Variants in RGSL1 observed in about 807,000 individuals in gnomAD.
The protein encoded by RGSL1 is regulator of G protein signaling protein-like.
In RGSL1, 97 loss-of-function variants were observed where a neutral mutation model predicts 124.7. That is an observed-to-expected ratio of 0.78 (90% CI 0.66 to 0.92). RGSL1 has a LOEUF of 0.92. RGSL1 is among the 40% of genes least tolerant of loss of function. The pLI, the probability that RGSL1 is intolerant of heterozygous loss-of-function variation, is 0.00. For synonymous variants in RGSL1, 424 were observed against 438.1 expected, an observed-to-expected ratio of 0.97 and a Z score of 0.40; for missense variants, 1,233 against 1,288.4, an observed-to-expected ratio of 0.96 and a Z score of 0.66.
intron 4 of RGSL1, among the ~76,000 whole-genome samples, chr1:182,470,005 A>AG: frequency 6.6e-6 from 1 of 152,032 alleles, no homozygotes; most frequent in African/African-American, 2.4e-5. Flanking sequence ...AGCTGGGAGG[A>AG]GGGGGGAAAT....
intron 6 of RGSL1, among the ~76,000 whole-genome samples, chr1:182,477,995 A>G (rs1654425548): frequency 6.6e-6 from 1 of 152,238 alleles, no homozygotes; most frequent in Non-Finnish European, 1.5e-5. Context: ...ATGGAGATCC[A>G]TAAACTGCTT....
intron 4 of RGSL1, chr1:182,471,388 T>A (rs1321762758): frequency 2.2e-6 from 1 of 457,216 alleles, no homozygotes; most frequent in East Asian, 7.0e-5. Flanking sequence ...GCAGTGCAGG[T>A]GGGTTCTTGG....
At chr1:182,521,502 G>C (rs776878146) in intron 9 of RGSL1, among the ~76,000 whole-genome samples, 1 of 152,146 alleles carries the variant, frequency 6.6e-6, no homozygotes, top group Non-Finnish European at 1.5e-5. Flanking sequence ...CAGTGTCCGT[G>C]GGAAAGAAAA....
chr1:182,551,604 T>A (rs1660569544), intron 18 of RGSL1, among the ~76,000 whole-genome samples: 1 of 152,216 alleles, frequency 6.6e-6, no homozygotes, highest in Non-Finnish European at 1.5e-5. Context: ...ATATATATAG[T>A]TTTAATGTGA....
At chr1:182,465,084 T>C (rs1653178805) in intron 4 of RGSL1, among the ~76,000 whole-genome samples, 2 of 151,748 alleles carry the variant, frequency 1.3e-5, no homozygotes, top group African/African-American at 4.9e-5. Context: ...CTTATAATAA[T>C]AATAATAATA....
intron 9 of RGSL1, among the ~76,000 whole-genome samples, chr1:182,517,941 G>A (rs1045244716): frequency 6.6e-6 from 1 of 152,054 alleles, no homozygotes; most frequent in Non-Finnish European, 1.5e-5. Context: ...TGTTTCTTGT[G>A]GGTCTACGTA....
chr1:182,514,850 G>A (rs1657739652), intron 9 of RGSL1, among the ~76,000 whole-genome samples: 1 of 152,182 alleles, frequency 6.6e-6, no homozygotes, highest in Admixed American at 6.5e-5. Flanking sequence ...TTGTGCAGAG[G>A]GATATGAGGC....
intron 13 of RGSL1, among the ~76,000 whole-genome samples, chr1:182,532,171 A>G (rs1024327940): frequency 2.6e-5 from 4 of 152,030 alleles, no homozygotes; most frequent in Non-Finnish European, 5.9e-5. Flanking sequence ...GAGGAAACTT[A>G]TGAAATTCGT....
intron 2 of RGSL1, 94 bp from the exon 3 acceptor site, chr1:182,458,225 G>A (rs1355225240): frequency 5.3e-5 from 46 of 860,638 alleles, no homozygotes; most frequent in Non-Finnish European, 5.3e-5. Context: ...AAAGAGCCAT[G>A]GAACCTCCCT....
chr1:182,534,442 T>C (rs988491798), intron 14 of RGSL1, among the ~76,000 whole-genome samples: 19 of 152,254 alleles, frequency 1.2e-4, no homozygotes, highest in Admixed American at 1.2e-3. Flanking sequence ...TCTATTTTTC[T>C]ATTGGTATTT....
intron 6 of RGSL1, among the ~76,000 whole-genome samples, chr1:182,486,274 A>C (rs1333350747): frequency 6.6e-6 from 1 of 151,748 alleles, no homozygotes; most frequent in Non-Finnish European, 1.5e-5. Context: ...TTAAGAAATA[A>C]ATTTATTTAT....
Position 182,527,699 on chromosome 1 carries a change from G to T in RGSL1, c.2052G>T (p.Glu684Asp), listed in dbSNP as rs564410269. ...CAGCTGTACAGAAGATCAGTATAGA[G>T]ACCAATGAAAAGATTTGCAAGTCTC... The part of the protein sequence containing the change: ...FLTAVQKISI[E>D]TNEKICKSLI... Residue 684 changes from glutamate to aspartate, a missense_variant, in exon 11 of 22, where the codon GAG (glutamate) becomes GAT (aspartate). By Grantham distance (45) the Glu-to-Asp change is conservative (BLOSUM62 2). Transcript: ENST00000294854. The T allele has an allele frequency of 6.4e-7, 1 of 1,551,176 alleles. No homozygotes were observed. The highest frequency in any genetic ancestry group is 1.4e-5 in the African/African-American group (1 of 73,004).
chr1:182,480,693 C>T (rs1296592446), intron 6 of RGSL1, among the ~76,000 whole-genome samples: 1 of 152,022 alleles, frequency 6.6e-6, no homozygotes, highest in African/African-American at 2.4e-5. Context: ...CGACCTCAGG[C>T]GATCCACCTG....
intron 8 of RGSL1, 37 bp from the exon 9 acceptor site, chr1:182,492,985 C>T: frequency 7.3e-7 from 1 of 1,370,178 alleles, no homozygotes. Context: ...AGACTTTGGA[C>T]AACTAAACTC....
At chr1:182,485,537 T>C (rs957362393) in intron 6 of RGSL1, among the ~76,000 whole-genome samples, 4 of 152,088 alleles carry the variant, frequency 2.6e-5, no homozygotes, top group Admixed American at 6.6e-5. Context: ...TGGTAGTGAG[T>C]AGGTAAATAC....
chr1:182,509,679 A>C (rs1214427402), intron 9 of RGSL1, among the ~76,000 whole-genome samples: 7 of 113,362 alleles, frequency 6.2e-5, no homozygotes, highest in Admixed American at 8.7e-5. Context: ...TGAACCCCCC[A>C]CCTCCCTCCC....
chr1:182,486,243 T>A (rs1221471141), intron 6 of RGSL1, among the ~76,000 whole-genome samples: 4 of 152,074 alleles, frequency 2.6e-5, no homozygotes, highest in Admixed American at 2.6e-4. Flanking sequence ...TAATTGAAAA[T>A]GCTCTATTAA....
intron 9 of RGSL1, among the ~76,000 whole-genome samples, chr1:182,514,932 TG>T (rs1031119420): frequency 6.6e-6 from 1 of 152,180 alleles, no homozygotes; most frequent in African/African-American, 2.4e-5. Context: ...GAGTATAAGC[TG>T]GGGGTGGTGA....
chr1:182,476,132 T>G (rs903505166), intron 6 of RGSL1, among the ~76,000 whole-genome samples: 2 of 152,158 alleles, frequency 1.3e-5, no homozygotes, highest in Non-Finnish European at 2.9e-5. Context: ...AATTTCAGAA[T>G]AGATCAGTCT....
Sources: gnomAD v4.1 joint callset for allele counts (sites outside exome capture counted in the v4.1 genomes callset) on GRCh38, gnomAD v4.1.1 for gene constraint, MANE v1.5 for transcripts, NCBI Gene and HGNC (gene_info 2026-07-23, HGNC 2026-07-21) for gene names.